Variants in DOCK1 observed in about 807,000 individuals in gnomAD.
DOCK1 encodes dedicator of cytokinesis 1.
A neutral mutation model predicts 262.7 loss-of-function variants in DOCK1; 138 were observed. That is an observed-to-expected ratio of 0.53 (90% confidence interval 0.46 to 0.61). The LOEUF (loss-of-function observed/expected upper bound fraction) is 0.61. Among genes scored for constraint, DOCK1 ranks in the 20% least tolerant of loss-of-function variants. The pLI, the probability that DOCK1 is intolerant of heterozygous loss-of-function variation, is 0.00. For missense variants in DOCK1, 1,908 were observed against 2,370.7 expected, an observed-to-expected ratio of 0.80 and a Z score of 4.05; for synonymous variants, 866 against 867.4, an observed-to-expected ratio of 1.00 and a Z score of 0.03.
chr10:127,397,464 A>G (rs111429755), intron 38 of DOCK1, among the ~76,000 whole-genome samples: 1 of 143,732 alleles, frequency 7.0e-6, no homozygotes, highest in Non-Finnish European at 1.5e-5. Context: ...AGTGTCTCCT[A>G]TGTGATCTGA....
chr10:127,178,862 G>T (rs1431234685), intron 27 of DOCK1, among the ~76,000 whole-genome samples: 1 of 152,198 alleles, frequency 6.6e-6, no homozygotes, highest in Non-Finnish European at 1.5e-5. Context: ...ATCCCAGCAG[G>T]TTAAACAGAT....
chr10:127,004,784 CA>C (rs568201071), intron 10 of DOCK1, among the ~76,000 whole-genome samples: 9 of 98,486 alleles, frequency 9.1e-5, no homozygotes, highest in Non-Finnish European at 1.6e-4. Context: ...CCCCCCGCCC[CA>C]AAAAAAAGAA....
chr10:127,125,456 A>C lies in DOCK1; in HGVS notation c.2624-18A>C. ...TTGGTGGGTTTCACACTGACTGGCA[A>C]TGCTGTGTCCTGTGTAGACTGCAGA... On this transcript the variant is annotated intron_variant, in intron 25 of 51. Transcript: ENST00000623213. The C allele has an allele frequency of 6.2e-7, 1 of 1,611,762 alleles. No individual in the cohort carries two copies. Among genetic ancestry groups the C allele is most frequent in the South Asian group, 1.1e-5 (1 of 90,886 alleles).
intron 40 of DOCK1, among the ~76,000 whole-genome samples, chr10:127,407,937 A>G (rs1412556448): frequency 1.3e-5 from 2 of 152,142 alleles, no homozygotes; most frequent in Non-Finnish European, 2.9e-5. Flanking sequence ...CAGATGGGAC[A>G]GGATGGGTGG....
intron 27 of DOCK1, chr10:127,146,001 T>C (rs2051801173): frequency 1.9e-6 from 1 of 517,192 alleles, no homozygotes; most frequent in African/African-American, 1.9e-5. Context: ...CACCCTGAAT[T>C]CCCTAGTCAC....
At chr10:127,182,619 C>T (rs1022711124) in intron 27 of DOCK1, among the ~76,000 whole-genome samples, 2 of 152,126 alleles carry the variant, frequency 1.3e-5, no homozygotes, top group African/African-American at 4.8e-5. Flanking sequence ...AATATGCCTC[C>T]TTGAAATGAG....
At chr10:127,290,919 T>C (rs969481035) in intron 29 of DOCK1, among the ~76,000 whole-genome samples, 1 of 152,238 alleles carries the variant, frequency 6.6e-6, no homozygotes, top group Non-Finnish European at 1.5e-5. Flanking sequence ...ACAAAAGTTT[T>C]TATTTCTCTG....
intron 6 of DOCK1, among the ~76,000 whole-genome samples, chr10:126,992,892 C>A (rs1208013992): frequency 4.0e-5 from 6 of 151,098 alleles, no homozygotes; most frequent in Non-Finnish European, 4.4e-5. Flanking sequence ...CTCTCCATTG[C>A]CTTGCTGTGA....
intron 38 of DOCK1, among the ~76,000 whole-genome samples, chr10:127,390,189 T>G (rs2066392684): frequency 6.6e-6 from 1 of 152,106 alleles, no homozygotes; most frequent in African/African-American, 2.4e-5. Flanking sequence ...CTTTATACAT[T>G]ACTCAGTCTC....
chr10:127,279,955 T>C (rs910240981), intron 29 of DOCK1, among the ~76,000 whole-genome samples: 7 of 150,490 alleles, frequency 4.7e-5, no homozygotes, highest in African/African-American at 1.7e-4. Context: ...GTGTCACACT[T>C]TGAGAATGCA....
intron 13 of DOCK1, among the ~76,000 whole-genome samples, chr10:127,021,793 A>G (rs2042443292): frequency 6.6e-6 from 1 of 152,176 alleles, no homozygotes; most frequent in Non-Finnish European, 1.5e-5. Context: ...TTAATTTAAT[A>G]GTTGGATACA....
At chr10:126,914,919 C>G (rs938505882) in intron 1 of DOCK1, among the ~76,000 whole-genome samples, 1 of 152,154 alleles carries the variant, frequency 6.6e-6, no homozygotes, top group Non-Finnish European at 1.5e-5. Context: ...ACTGCCCTTC[C>G]CCATTCAACC....
At chr10:127,391,531 A>G (rs549297514) in intron 38 of DOCK1, among the ~76,000 whole-genome samples, 81 of 152,296 alleles carry the variant, frequency 5.3e-4, no homozygotes, top group African/African-American at 1.7e-3. Context: ...AAATCCCATT[A>G]TAATCTCATT....
At chr10:127,098,583 C>T (rs1441786687) in intron 23 of DOCK1, among the ~76,000 whole-genome samples, 1 of 152,080 alleles carries the variant, frequency 6.6e-6, no homozygotes, top group East Asian at 1.9e-4. Context: ...ATGAGAAGCC[C>T]GATAGGAAAT....
intron 1 of DOCK1, among the ~76,000 whole-genome samples, chr10:126,964,752 A>G (rs2037532508): frequency 5.9e-5 from 9 of 152,208 alleles, no homozygotes; most frequent in African/African-American, 1.2e-4. Context: ...TGGGGAGGCT[A>G]TGGACCTGAG....
In DOCK1 at chr10:127,371,210, G is replaced by A. The variant is rs550647648; in HGVS notation, c.3433-2571G>A. On this transcript the variant is annotated intron_variant, in intron 33 of 51. Transcript: ENST00000623213. Reference sequence around the variant, plus strand: ...TCGAGTGTATTCTATAAAAATGAACGAGGATCCTGGAATTAGAGGCTAGTT... The same window carrying A: ...TCGAGTGTATTCTATAAAAATGAACAAGGATCCTGGAATTAGAGGCTAGTT... 8.1e-4 allele frequency among the ~76,000 whole-genome samples: 123 copies of A among 152,334 alleles called. 1 individual carries two copies. Among genetic ancestry groups the A allele is most frequent in the South Asian group, 6.2e-3 (30 of 4,830 alleles).
intron 6 of DOCK1, among the ~76,000 whole-genome samples, chr10:126,991,637 C>G (rs560696439): frequency 6.6e-6 from 1 of 152,050 alleles, no homozygotes; most frequent in Non-Finnish European, 1.5e-5. Context: ...TCAAGTGATT[C>G]TCCTGCTTCA....
At chr10:126,993,244 G>A (rs1043426926) in intron 6 of DOCK1, among the ~76,000 whole-genome samples, 6 of 152,358 alleles carry the variant, frequency 3.9e-5, no homozygotes, top group South Asian at 2.1e-4. Context: ...CCAATTCTGC[G>A]TGGCCTGTAG....
intron 27 of DOCK1, among the ~76,000 whole-genome samples, chr10:127,156,821 G>T (rs924868901): frequency 1.3e-5 from 2 of 152,076 alleles, no homozygotes; most frequent in African/African-American, 4.8e-5. Flanking sequence ...TCCCGCCTCG[G>T]CCTCCCAAAG....
Sources: allele counts gnomAD v4.1 joint callset (sites outside exome capture counted in the v4.1 genomes callset), GRCh38; gene constraint gnomAD v4.1.1; transcripts MANE v1.5; gene names NCBI Gene and HGNC (gene_info 2026-07-23, HGNC 2026-07-21).